The following MYRIP variants were observed in gnomAD, a reference collection of about 807,000 sequenced individuals.
The protein encoded by MYRIP is rab effector MyRIP.
A neutral mutation model predicts 98.0 loss-of-function variants in MYRIP; 49 were observed. That is an observed-to-expected ratio of 0.50 (90% confidence interval 0.40 to 0.63). The LOEUF is 0.63. Among genes scored for constraint, MYRIP ranks in the 30% least tolerant of loss-of-function variants. MYRIP has a pLI of 0.00. For synonymous variants in MYRIP, 404 were observed against 409.5 expected (o/e 0.99, Z 0.16); for missense variants, 1,004 against 1,058.2 (o/e 0.95, Z 0.71).
intron 10 of MYRIP, among the ~76,000 whole-genome samples, chr3:40,193,488 T>C (rs1951301942): frequency 6.6e-6 from 1 of 152,248 alleles, no homozygotes; most frequent in Admixed American, 6.5e-5. Context: ...GTACTGCGGA[T>C]AATAGGATAT....
At chr3:40,027,707 G>A (rs1435136471) in intron 2 of MYRIP, among the ~76,000 whole-genome samples, 1 of 152,070 alleles carries the variant, frequency 6.6e-6, no homozygotes, top group African/African-American at 2.4e-5. Flanking sequence ...TATGAAGAGA[G>A]GGGCTATGTC....
intron 3 of MYRIP, among the ~76,000 whole-genome samples, chr3:40,108,045 C>A (rs751573513): frequency 7.9e-5 from 12 of 152,090 alleles, no homozygotes; most frequent in African/African-American, 2.9e-4. Flanking sequence ...TAATTAGAAA[C>A]CTTTGTGTGG....
intron 3 of MYRIP, among the ~76,000 whole-genome samples, chr3:40,142,857 G>GATTTCCCTAT (rs1338922959): frequency 6.6e-6 from 1 of 152,212 alleles, no homozygotes; most frequent in Non-Finnish European, 1.5e-5. Context: ...CTCATCACCA[G>GATTTCCCTAT]GAGAGCATCT....
In MYRIP at chr3:40,037,937, GCT is replaced by G. The variant is rs976723230; in HGVS notation, c.111-6112_111-6111del. Among the ~76,000 whole-genome samples the G allele has an allele frequency of 1.1e-3, 167 of 151,938 alleles. 2 individuals are homozygous for G. Among genetic ancestry groups the G allele is most frequent in the Admixed American group, 3.0e-3 (45 of 15,222 alleles). ...TTTCCTGGAAGTGTCCTCAACCTTG[GCT>G]AAATAAACCTCTATCCATTGAGACC... On this transcript the variant is annotated intron_variant, in intron 2 of 16. Coordinates refer to ENST00000302541, the MANE Select transcript of MYRIP (RefSeq NM_015460.4).
chr3:39,893,674 T>TCACACACACACA (rs66667492), intron 1 of MYRIP, among the ~76,000 whole-genome samples: 1 of 147,068 alleles, frequency 6.8e-6, no homozygotes, highest in African/African-American at 2.5e-5. Context: ...TAAGTGGAAA[T>TCACACACACACA]CACACACACA....
intron 3 of MYRIP, among the ~76,000 whole-genome samples, chr3:40,046,987 G>A (rs1389885148): frequency 6.6e-6 from 1 of 152,218 alleles, no homozygotes; most frequent in Admixed American, 6.5e-5. Flanking sequence ...TTGTATGCAG[G>A]CATCTATTAT....
intron 2 of MYRIP, among the ~76,000 whole-genome samples, chr3:39,985,931 T>C (rs1642971913): frequency 6.6e-6 from 1 of 151,690 alleles, no homozygotes; most frequent in South Asian, 2.1e-4. Context: ...CCAAAAGCAA[T>C]GGCAACAAAA....
At chr3:40,225,578 C>T (rs780022166) in intron 11 of MYRIP, among the ~76,000 whole-genome samples, 15 of 152,176 alleles carry the variant, frequency 9.9e-5, no homozygotes, top group Non-Finnish European at 1.5e-5. Flanking sequence ...GGGAAACCAC[C>T]ATCTGGTCTC....
intron 3 of MYRIP, among the ~76,000 whole-genome samples, chr3:40,094,438 T>C (rs1948786291): frequency 6.6e-6 from 1 of 152,236 alleles, no homozygotes; most frequent in Non-Finnish European, 1.5e-5. Flanking sequence ...GCCTTTGGCC[T>C]TCCATCTTGG....
chr3:39,919,693 G>T (rs201555982), intron 2 of MYRIP, among the ~76,000 whole-genome samples: 3 of 143,362 alleles, frequency 2.1e-5, no homozygotes, highest in East Asian at 4.2e-4. Flanking sequence ...GGGTATGTGT[G>T]GTGTGTGTGT....
At chr3:39,873,929 C>G (rs1208701309) in intron 1 of MYRIP, among the ~76,000 whole-genome samples, 1 of 151,896 alleles carries the variant, frequency 6.6e-6, no homozygotes, top group East Asian at 1.9e-4. Context: ...TTACCTTGGG[C>G]AGTATGGCCA....
chr3:39,904,698 A>G (rs911784238), intron 2 of MYRIP, among the ~76,000 whole-genome samples: 6 of 152,024 alleles, frequency 3.9e-5, no homozygotes, highest in African/African-American at 1.2e-4. Context: ...ACTATCCCCC[A>G]CTGTCTGCTA....
At chr3:40,211,394 G>A (rs1951923494) in intron 11 of MYRIP, among the ~76,000 whole-genome samples, 2 of 152,142 alleles carry the variant, frequency 1.3e-5, no homozygotes, top group South Asian at 4.1e-4. Flanking sequence ...ATTACCCGTG[G>A]CTGAGCCCCT....
intron 3 of MYRIP, among the ~76,000 whole-genome samples, chr3:40,144,447 CAAAAGG>C (rs1368854322): frequency 3.3e-5 from 5 of 152,094 alleles, no homozygotes; most frequent in Non-Finnish European, 7.3e-5. Flanking sequence ...AGGAGTGTCC[CAAAAGG>C]AAAAGAAATG....
intron 2 of MYRIP, among the ~76,000 whole-genome samples, chr3:39,932,517 T>C (rs1944564223): frequency 6.6e-6 from 1 of 152,138 alleles, no homozygotes; most frequent in Admixed American, 6.5e-5. Context: ...TCCGCCACCA[T>C]GCCCAGCTAA....
chr3:39,945,339 G>A (rs982761755), intron 2 of MYRIP, among the ~76,000 whole-genome samples: 3 of 137,040 alleles, frequency 2.2e-5, no homozygotes, highest in Non-Finnish European at 4.7e-5. Context: ...AAAAAAAGCT[G>A]TGCATGATGG....
intron 3 of MYRIP, among the ~76,000 whole-genome samples, chr3:40,064,955 C>T (rs1285495104): frequency 6.6e-6 from 1 of 152,190 alleles, no homozygotes; most frequent in Non-Finnish European, 1.5e-5. Flanking sequence ...CAAACTTCCA[C>T]GTTCCCTACA....
At chr3:40,150,958 TGATG>T (rs1239124193) in intron 3 of MYRIP, 86 bp from the exon 4 acceptor site, 1 of 1,238,888 alleles carries the variant, frequency 8.1e-7, no homozygotes, top group Non-Finnish European at 1.1e-6. Context: ...CTTCACATCT[TGATG>T]GATGGAGCTG....
intron 2 of MYRIP, among the ~76,000 whole-genome samples, chr3:39,975,447 A>G (rs1945722642): frequency 3.3e-5 from 5 of 152,016 alleles, no homozygotes; most frequent in Admixed American, 3.3e-4. Flanking sequence ...AGGAAGAATC[A>G]ATATCGTGAA....
Sources: allele counts gnomAD v4.1 joint callset (sites outside exome capture counted in the v4.1 genomes callset), GRCh38; gene constraint gnomAD v4.1.1; transcripts MANE v1.5; gene names NCBI Gene and HGNC (gene_info 2026-07-23, HGNC 2026-07-21).